Variants in MTCL3 observed in about 807,000 individuals in gnomAD.
The protein encoded by MTCL3 is microtubule cross-linking factor 3.
the MTCL3 span, chr6:127,482,917 G>A: frequency 1.9e-6 from 3 of 1,606,134 alleles, no homozygotes; most frequent in East Asian, 2.3e-5. This position sits in a 1 kb window ranked among gnomAD's most constrained non-coding sequence, Gnocchi z 4.1. Flanking sequence ...ACATACCTCT[G>A]TGGGAGTCTG....
chr6:127,474,155 T>TAAAA, the MTCL3 span, among the ~76,000 whole-genome samples: 1 of 148,438 alleles, frequency 6.7e-6, no homozygotes. Flanking sequence ...CAACTTATGG[T>TAAAA]AAAAAAAAAA....
At chr6:127,514,440 T>C in the MTCL3 span, among the ~76,000 whole-genome samples, 3 of 152,222 alleles carry the variant, frequency 2.0e-5, no homozygotes, top group East Asian at 5.8e-4. Flanking sequence ...TTAGTGCAGC[T>C]CCTGACTGCC....
the MTCL3 span, chr6:127,475,749 C>T: frequency 1.2e-6 from 2 of 1,601,750 alleles, no homozygotes; most frequent in Non-Finnish European, 1.7e-6. The surrounding 1 kb of genome is among the most constrained non-coding windows in gnomAD (Gnocchi z 7.3). Flanking sequence ...CGCTCTCCTT[C>T]TTGCCCGCGT....
chr6:127,481,625 A>G, the MTCL3 span, among the ~76,000 whole-genome samples: 1 of 146,282 alleles, frequency 6.8e-6, no homozygotes, highest in Admixed American at 7.2e-5. Flanking sequence ...TTATCTATCT[A>G]ATGTGAAAAA....
At chr6:127,497,271 T>C in the MTCL3 span, among the ~76,000 whole-genome samples, 1 of 152,226 alleles carries the variant, frequency 6.6e-6, no homozygotes, top group African/African-American at 2.4e-5. Context: ...CATGCATAAG[T>C]ACTGCACAGA....
the MTCL3 span, among the ~76,000 whole-genome samples, chr6:127,502,862 T>C: frequency 6.6e-6 from 1 of 152,222 alleles, no homozygotes; most frequent in Admixed American, 6.5e-5. Flanking sequence ...ATTACGTGAC[T>C]TATCTGAAGT....
the MTCL3 span, chr6:127,481,230 G>A: frequency 8.7e-5 from 75 of 858,896 alleles, no homozygotes; most frequent in South Asian, 3.7e-4. Context: ...TAGATACAGC[G>A]TCTACTCCAT....
At chr6:127,475,019 A>G in the MTCL3 span, among the ~76,000 whole-genome samples, 1 of 152,238 alleles carries the variant, frequency 6.6e-6, no homozygotes, top group African/African-American at 2.4e-5. The surrounding 1 kb of genome is among the most constrained non-coding windows in gnomAD (Gnocchi z 7.3). Flanking sequence ...TCTTTCCACA[A>G]CAATTGAGGG....
chr6:127,507,712 G>A, the MTCL3 span, among the ~76,000 whole-genome samples: 4 of 151,928 alleles, frequency 2.6e-5, no homozygotes, highest in Middle Eastern at 3.4e-3. Flanking sequence ...GCATAGTGGC[G>A]TGTGCCAGTA....
the MTCL3 span, chr6:127,513,059 G>C: frequency 6.3e-7 from 1 of 1,598,834 alleles, no homozygotes; most frequent in East Asian, 2.2e-5. Flanking sequence ...CCTGAATTAA[G>C]GTGTTTGTAA....
the MTCL3 span, among the ~76,000 whole-genome samples, chr6:127,491,781 G>A: frequency 6.6e-6 from 1 of 150,716 alleles, no homozygotes; most frequent in Non-Finnish European, 1.5e-5. Context: ...TGAGCCAGGA[G>A]GATAGCTTGA....
chr6:127,481,355 A>G, the MTCL3 span: 1 of 985,410 alleles, frequency 1.0e-6, no homozygotes, highest in African/African-American at 1.7e-5. Context: ...GTAGTGACAG[A>G]GTATATTTGG....
chr6:127,473,972 C>T, the MTCL3 span, among the ~76,000 whole-genome samples: 1 of 152,164 alleles, frequency 6.6e-6, no homozygotes, highest in African/African-American at 2.4e-5. Flanking sequence ...CGGTGTGCCT[C>T]TACAAATCAG....
chr6:127,485,034 C>G, the MTCL3 span, among the ~76,000 whole-genome samples: 1 of 152,048 alleles, frequency 6.6e-6, no homozygotes, highest in African/African-American at 2.4e-5. Flanking sequence ...GGATGAGGCC[C>G]AGTGATCTAT....
chr6:127,500,355 C>A, the MTCL3 span, among the ~76,000 whole-genome samples: 3 of 151,996 alleles, frequency 2.0e-5, no homozygotes, highest in Non-Finnish European at 4.4e-5. Flanking sequence ...CAACCAAAGG[C>A]TATTTTCAAA....
At chr6:127,512,969 A>C in the MTCL3 span, 2 of 1,611,926 alleles carry the variant, frequency 1.2e-6, no homozygotes, top group Non-Finnish European at 1.7e-6. Context: ...TCAGTTTCTC[A>C]TTTTCATCTT....
chr6:127,507,842 C>CAAAAAAAAAAAAAAAAAA, the MTCL3 span, among the ~76,000 whole-genome samples: 2 of 82,076 alleles, frequency 2.4e-5, no homozygotes, highest in Non-Finnish European at 4.4e-5. Context: ...GACTATGTCT[C>CAAAAAAAAAAAAAAAAAA]AAAAAAAAAA....
the MTCL3 span, among the ~76,000 whole-genome samples, chr6:127,509,612 G>A: frequency 2.6e-5 from 4 of 152,048 alleles, no homozygotes; most frequent in African/African-American, 9.7e-5. Flanking sequence ...AGCTTGGCCT[G>A]GTTCTACTTT....
chr6:127,478,478 T>G, the MTCL3 span, among the ~76,000 whole-genome samples: 9 of 152,320 alleles, frequency 5.9e-5, no homozygotes, highest in South Asian at 1.9e-3. Context: ...GAAATGGTTT[T>G]GGGTGAAGAA....
Sources: gnomAD v4.1 joint callset for allele counts (sites outside exome capture counted in the v4.1 genomes callset) on GRCh38, gnomAD v4.1.1 for gene constraint, Gnocchi (gnomAD v3.1) non-coding constraint, MANE v1.5 for transcripts, NCBI Gene and HGNC (gene_info 2026-07-23, HGNC 2026-07-21) for gene names.